Variants in STX8 observed in about 807,000 individuals in gnomAD.
STX8 encodes syntaxin 8, also known as syntaxin-8.
In STX8, 23 loss-of-function variants were observed where a neutral mutation model predicts 37.5. The observed-to-expected ratio is 0.61, with a 90% confidence interval of 0.44 to 0.87. The LOEUF is 0.87. Among genes scored for constraint, STX8 ranks in the 40% least tolerant of loss-of-function variants. The probability of loss-of-function intolerance (pLI) is 0.00; values close to 1 mark genes in which losing one functional copy is unlikely to be tolerated. For synonymous variants in STX8, 115 were observed against 99.1 expected, an observed-to-expected ratio of 1.16 and a Z score of -0.95; for missense variants, 313 against 284.7, an observed-to-expected ratio of 1.10 and a Z score of -0.71.
chr17:9,459,005 G>GT (rs1410663687), intron 6 of STX8, among the ~76,000 whole-genome samples: 2 of 151,776 alleles, frequency 1.3e-5, no homozygotes, highest in African/African-American at 2.4e-5. Context: ...AATGCTTTTT[G>GT]TATTTTTTAG....
At chr17:9,429,503 A>C (rs1224611726) in intron 6 of STX8, among the ~76,000 whole-genome samples, 2 of 143,588 alleles carry the variant, frequency 1.4e-5, no homozygotes, top group Non-Finnish European at 3.0e-5. Context: ...GGAGATCAAG[A>C]CCATCCTGGC....
intron 4 of STX8, among the ~76,000 whole-genome samples, chr17:9,533,789 G>GA (rs1905911483): frequency 6.6e-6 from 1 of 152,176 alleles, no homozygotes; most frequent in Admixed American, 6.5e-5. Context: ...GAGAAGGGTT[G>GA]ATACAGACAC....
At chr17:9,338,457 A>C (rs1246381093) in intron 7 of STX8, among the ~76,000 whole-genome samples, 4 of 152,028 alleles carry the variant, frequency 2.6e-5, no homozygotes, top group Non-Finnish European at 5.9e-5. Flanking sequence ...CTCATTTCAA[A>C]CTACCAAGAG....
intron 6 of STX8, among the ~76,000 whole-genome samples, chr17:9,473,413 G>C (rs1905962745): frequency 6.6e-6 from 1 of 152,122 alleles, no homozygotes; most frequent in African/African-American, 2.4e-5. Flanking sequence ...TTGGTATCTT[G>C]CGGGATTGGT....
intron 7 of STX8, among the ~76,000 whole-genome samples, chr17:9,297,241 CAAAAAAAA>C (rs112089232): frequency 2.2e-5 from 2 of 90,908 alleles, no homozygotes; most frequent in Admixed American, 1.2e-4. Flanking sequence ...CCAGAGTTTG[CAAAAAAAA>C]AAAAAAAAGA....
At chr17:9,512,472 T>C (rs1031226590) in intron 4 of STX8, among the ~76,000 whole-genome samples, 4 of 152,060 alleles carry the variant, frequency 2.6e-5, no homozygotes, top group African/African-American at 9.7e-5. Flanking sequence ...TGATCTTTTT[T>C]TTTTTTTCCG....
intron 3 of STX8, 88 bp downstream of exon 3, chr17:9,557,346 T>C: frequency 9.0e-7 from 1 of 1,112,182 alleles, no homozygotes. Flanking sequence ...TGTGGGAAAA[T>C]CTGGGTGGCC....
At chr17:9,383,942 T>C (rs552283214) in intron 6 of STX8, among the ~76,000 whole-genome samples, 2 of 152,170 alleles carry the variant, frequency 1.3e-5, no homozygotes, top group African/African-American at 4.8e-5. Context: ...CTATAAAACA[T>C]TGCTGGGAGA....
chr17:9,362,498 C>CAAATCTTCTCCT (rs1364954433), intron 7 of STX8, among the ~76,000 whole-genome samples: 1 of 151,988 alleles, frequency 6.6e-6, no homozygotes, highest in African/African-American at 2.4e-5. Flanking sequence ...TAAAACCTGC[C>CAAATCTTCTCCT]AAATCTTCTC....
chr17:9,415,304 G>T (rs1223722202), intron 6 of STX8, among the ~76,000 whole-genome samples: 1 of 152,048 alleles, frequency 6.6e-6, no homozygotes, highest in Non-Finnish European at 1.5e-5. Flanking sequence ...GAAACCTCAA[G>T]ATCCTTCACT....
chr17:9,251,014 T>A (rs7223435), intron 7 of STX8, among the ~76,000 whole-genome samples: 77,580 of 151,668 alleles, frequency 0.51, 20,958 homozygotes, highest in Non-Finnish European at 0.62. Flanking sequence ...GACGCATTGA[T>A]AAAGCAAAGG....
intron 7 of STX8, among the ~76,000 whole-genome samples, chr17:9,318,294 CCA>C (rs1484362555): frequency 6.6e-6 from 1 of 151,326 alleles, no homozygotes. Flanking sequence ...CCAACAGGCC[CCA>C]GTGTGTGATG....
chr17:9,366,670 C>T (rs1304046569), intron 7 of STX8, among the ~76,000 whole-genome samples: 1 of 152,140 alleles, frequency 6.6e-6, no homozygotes, highest in Admixed American at 6.6e-5. Flanking sequence ...AAAAAATAAG[C>T]CCAAGAGTTG....
At position 9,545,202 on chromosome 17, in the gene STX8, T is replaced by G; in HGVS notation, c.293A>C (p.Lys98Thr). 1 of 1,614,064 alleles carries G rather than the reference T, an allele frequency of 6.2e-7. No individual in the cohort carries two copies. The highest frequency in any genetic ancestry group is 8.5e-7 in the Non-Finnish European group (1 of 1,179,942). The change falls in exon 4 of 8, where the codon AAG (lysine) becomes ACG (threonine). Residue 98 changes from lysine to threonine, a missense_variant. Lys to Thr is a moderately conservative substitution (Grantham distance 78, BLOSUM62 -1). Transcript: ENST00000306357. ...TAGATCTGGTTCGGCACCCTCATTC[T>G]TAAAGGATGCCAGAAGTAGTCTCTC... is the stretch of plus-strand genomic sequence containing the variant. ...TRERLLLASFKNEGAEPDLIR... is the reference protein window; with the variant it reads ...TRERLLLASFTNEGAEPDLIR...
intron 6 of STX8, among the ~76,000 whole-genome samples, chr17:9,398,666 C>T (rs1218172312): frequency 6.6e-6 from 1 of 152,138 alleles, no homozygotes; most frequent in East Asian, 1.9e-4. Context: ...TACAGGAACC[C>T]TCTGTACTAT....
intron 6 of STX8, among the ~76,000 whole-genome samples, chr17:9,489,923 C>T (rs1042221994): frequency 1.3e-5 from 2 of 151,974 alleles, no homozygotes; most frequent in Admixed American, 6.6e-5. Context: ...CTCCTGACCT[C>T]GTGATCCACC....
intron 7 of STX8, among the ~76,000 whole-genome samples, chr17:9,334,082 C>T (rs547601000): frequency 2.2e-5 from 3 of 138,604 alleles, no homozygotes; most frequent in East Asian, 2.1e-4. Flanking sequence ...TTGGTTGGGT[C>T]GAAGGTGAAA....
rs1907533490 is a variant in STX8 at position 9,273,150 on chromosome 17, G to A, written c.644-22505C>T. ...AGATGGGGATGAGACCCGAGGTTTAGAATGACATAGAGGCAGGAACTGGAA... is the reference window on the plus strand; with the variant it reads ...AGATGGGGATGAGACCCGAGGTTTAAAATGACATAGAGGCAGGAACTGGAA... On this transcript the variant is annotated intron_variant, in intron 7 of 7. Coordinates refer to ENST00000306357, the MANE Select transcript of STX8 (RefSeq NM_004853.3). 3 of 152,244 alleles carry A rather than the reference G, an allele frequency of 2.0e-5. No homozygotes were observed. In the South Asian group the frequency reaches 6.2e-4, roughly 32 times the overall value. 9.4% of individuals were successfully genotyped at this position (152,244 alleles called of 1,614,324 possible). A position where few individuals can be genotyped will look rare whatever the true frequency, so the allele number is the denominator to read the frequency against.
At chr17:9,289,287 G>C (rs921936225) in intron 7 of STX8, among the ~76,000 whole-genome samples, 1 of 152,110 alleles carries the variant, frequency 6.6e-6, no homozygotes, top group African/African-American at 2.4e-5. Context: ...GAGGCTTAAG[G>C]GGGTAAATCA....
Sources: gnomAD v4.1 joint callset for allele counts (sites outside exome capture counted in the v4.1 genomes callset) on GRCh38, gnomAD v4.1.1 for gene constraint, MANE v1.5 for transcripts, NCBI Gene and HGNC (gene_info 2026-07-23, HGNC 2026-07-21) for gene names.